Variants in NRG2 observed in about 807,000 individuals in gnomAD.
The protein encoded by NRG2 is pro-neuregulin-2, membrane-bound isoform.
Under a neutral mutation model 73.9 loss-of-function variants are expected in NRG2, and 27 were observed. The observed-to-expected ratio is 0.37, with a 90% confidence interval of 0.27 to 0.50. The LOEUF is 0.50. Ranked by LOEUF, NRG2 falls within the 20% of genes least tolerant of loss-of-function variation. The pLI is 0.96. For synonymous variants in NRG2, 532 were observed against 541.0 expected (o/e 0.98, Z 0.23); for missense variants, 1,126 against 1,210.1 (o/e 0.93, Z 1.03).
At chr5:139,897,259 T>C (rs772577760) in intron 1 of NRG2, among the ~76,000 whole-genome samples, 1 of 152,188 alleles carries the variant, frequency 6.6e-6, no homozygotes, top group Admixed American at 6.6e-5. Flanking sequence ...CTTCATTCCT[T>C]GTCTGTGAAA....
chr5:139,990,010 G>C lies in NRG2; in HGVS notation c.700+52360C>G, dbSNP rs543018110. On this transcript the variant is annotated intron_variant, in intron 1 of 9. Transcript: ENST00000361474. The stretch of plus-strand genomic sequence containing the variant: ...TCACCATGTTAGCCAGGATGGTCTT[G>C]ATCTCCTGACCTTGTGATCCGCCCA... Among the ~76,000 whole-genome samples the C allele has an allele frequency of 5.8e-3, 871 of 151,354 alleles. 8 individuals carry two copies. The highest frequency in any genetic ancestry group is 8.7e-3 in the Non-Finnish European group (587 of 67,780).
chr5:140,026,116 C>A (rs7734418), intron 1 of NRG2, among the ~76,000 whole-genome samples: 15,332 of 152,216 alleles, frequency 0.1, 1,156 homozygotes, highest in African/African-American at 0.21. Flanking sequence ...ACAGAATGAG[C>A]AAAAGCACTA....
chr5:140,004,496 T>C (rs1388645735), intron 1 of NRG2, among the ~76,000 whole-genome samples: 1 of 152,222 alleles, frequency 6.6e-6, no homozygotes, highest in Non-Finnish European at 1.5e-5. Flanking sequence ...AAGGTTATTG[T>C]CACCAGTAAG....
Position 139,851,947 on chromosome 5 carries a change from G to C in NRG2, c.1545-116C>G. On this transcript the variant is annotated intron_variant, in intron 8 of 9. Transcript: ENST00000361474. The surrounding 1 kb of genome is among the most constrained non-coding windows in gnomAD (Gnocchi z 4.2). ...CCACCTCGAGCTCCCTTAGCTCAAT[G>C]CCCTTCTCCACTCTGGGGTGATGTG... 1 of 810,500 alleles carries C rather than the reference G, an allele frequency of 1.2e-6. No homozygotes were observed. The highest frequency in any genetic ancestry group is 2.0e-6 in the Non-Finnish European group (1 of 501,478). 50.2% of individuals were successfully genotyped at this position (810,500 alleles called of 1,614,324 possible).
At chr5:140,002,974 T>C (rs1345937979) in intron 1 of NRG2, among the ~76,000 whole-genome samples, 1 of 152,200 alleles carries the variant, frequency 6.6e-6, no homozygotes, top group East Asian at 1.9e-4. Context: ...GGCTCCAAGA[T>C]TTTTGACCTG....
At chr5:140,027,137 T>C (rs1298137842) in intron 1 of NRG2, among the ~76,000 whole-genome samples, 6 of 152,030 alleles carry the variant, frequency 3.9e-5, no homozygotes, top group African/African-American at 1.5e-4. Context: ...TGCTCCACTA[T>C]GCCTGGCTAA....
intron 1 of NRG2, among the ~76,000 whole-genome samples, chr5:140,024,046 G>A (rs1271165129): frequency 6.6e-6 from 1 of 152,040 alleles, no homozygotes; most frequent in Non-Finnish European, 1.5e-5. Flanking sequence ...TCCCCTGAGA[G>A]ACCTGTCAAC....
intron 1 of NRG2, among the ~76,000 whole-genome samples, chr5:139,998,810 G>C (rs770592259): frequency 2.6e-5 from 4 of 152,136 alleles, no homozygotes; most frequent in South Asian, 2.1e-4. Context: ...GGTAAGACTA[G>C]AGAATTATAG....
At chr5:140,028,555 C>A (rs188582977) in intron 1 of NRG2, among the ~76,000 whole-genome samples, 34 of 152,206 alleles carry the variant, frequency 2.2e-4, no homozygotes, top group African/African-American at 7.5e-4. Flanking sequence ...ACACATAGAC[C>A]TGATTGAGAC....
At chr5:139,897,102 C>A (rs1196825364) in intron 1 of NRG2, among the ~76,000 whole-genome samples, 1 of 152,240 alleles carries the variant, frequency 6.6e-6, no homozygotes, top group Admixed American at 6.5e-5. Context: ...GCCCTCTGCT[C>A]CTGCTTCCCC....
intron 2 of NRG2, among the ~76,000 whole-genome samples, chr5:139,882,573 A>T (rs1386409931): frequency 1.3e-5 from 2 of 152,288 alleles, no homozygotes; most frequent in East Asian, 1.9e-4. Context: ...GGCCCCTCTG[A>T]CTAAGACAGC....
intron 1 of NRG2, among the ~76,000 whole-genome samples, chr5:139,947,128 G>A (rs148165541): frequency 6.6e-6 from 1 of 152,214 alleles, no homozygotes; most frequent in East Asian, 1.9e-4. Flanking sequence ...CACATTTAAA[G>A]TGTGCAATTC....
intron 1 of NRG2, among the ~76,000 whole-genome samples, chr5:139,957,204 A>G (rs1473484347): frequency 6.6e-6 from 1 of 152,136 alleles, no homozygotes; most frequent in Non-Finnish European, 1.5e-5. Context: ...TGGTTGGCCA[A>G]GTAGCTTCTC....
At chr5:139,960,285 C>T (rs918534195) in intron 1 of NRG2, among the ~76,000 whole-genome samples, 1 of 152,106 alleles carries the variant, frequency 6.6e-6, no homozygotes, top group African/African-American at 2.4e-5. Context: ...GAGGTCGAGG[C>T]GGGCAGGTCA....
At chr5:139,930,022 A>G (rs899558566) in intron 1 of NRG2, among the ~76,000 whole-genome samples, 2 of 152,216 alleles carry the variant, frequency 1.3e-5, no homozygotes, top group Non-Finnish European at 2.9e-5. Flanking sequence ...TTAACCCAAG[A>G]CATTCATTTC....
chr5:139,904,480 G>C lies in NRG2; in HGVS notation c.701-16969C>G, dbSNP rs979071812. 2 of 781,682 alleles carry C rather than the reference G, an allele frequency of 2.6e-6. No individual in the cohort carries two copies. The highest frequency in any genetic ancestry group is 4.0e-6 in the Non-Finnish European group (2 of 497,448). 48.4% of individuals were successfully genotyped at this position (781,682 alleles called of 1,614,324 possible). A position where few individuals can be genotyped will look rare whatever the true frequency, so the allele number is the denominator to read the frequency against. ...CCCGCCGCCTGCAGCCTCAGTGCCCGAGCGCGGCGCCTTTCTTATAGGCGG... is the reference window on the plus strand; with the variant it reads ...CCCGCCGCCTGCAGCCTCAGTGCCCCAGCGCGGCGCCTTTCTTATAGGCGG... On this transcript the variant is annotated intron_variant, in intron 1 of 9. Transcript: ENST00000361474. The surrounding 1 kb of genome is among the most constrained non-coding windows in gnomAD (Gnocchi z 6.0).
At chr5:140,018,422 G>A (rs1759964073) in intron 1 of NRG2, among the ~76,000 whole-genome samples, 1 of 152,354 alleles carries the variant, frequency 6.6e-6, no homozygotes. Context: ...GGTAACTTTA[G>A]AAGAGGAAAA....
At chr5:140,030,190 G>A (rs1306830871) in intron 1 of NRG2, among the ~76,000 whole-genome samples, 1 of 152,080 alleles carries the variant, frequency 6.6e-6, no homozygotes, top group Non-Finnish European at 1.5e-5. Context: ...TTTAACTTCA[G>A]ACATGAGAAA....
intron 5 of NRG2, among the ~76,000 whole-genome samples, chr5:139,860,840 C>T (rs992850978): frequency 4.6e-5 from 7 of 152,114 alleles, no homozygotes; most frequent in Non-Finnish European, 1.0e-4. Flanking sequence ...TGCTGTGCCA[C>T]CCTGAGTGAT....
Sources: allele counts gnomAD v4.1 joint callset (sites outside exome capture counted in the v4.1 genomes callset), GRCh38; gene constraint gnomAD v4.1.1; non-coding constraint Gnocchi (gnomAD v3.1); transcripts MANE v1.5; gene names NCBI Gene and HGNC (gene_info 2026-07-23, HGNC 2026-07-21).